SNED1: variants seen among roughly 807,000 people sequenced by gnomAD.
SNED1 encodes the protein sushi, nidogen and EGF-like domain-containing protein 1.
In SNED1, 81 loss-of-function variants were observed where a neutral mutation model predicts 166.7. The observed-to-expected ratio is 0.49, with a 90% CI of 0.41 to 0.58. The LOEUF (loss-of-function observed/expected upper bound fraction) is 0.58, where lower values mean the gene tolerates loss of function less well. Among genes scored for constraint, SNED1 ranks in the 20% least tolerant of loss-of-function variants. The pLI is 0.00. For missense variants in SNED1, 1,604 were observed against 2,000.2 expected, an observed-to-expected ratio of 0.80 and a Z score of 3.78; for synonymous variants, 762 against 822.0, an observed-to-expected ratio of 0.93 and a Z score of 1.25.
chr2:241,034,368 G>A (rs2061279450), intron 3 of SNED1, among the ~76,000 whole-genome samples, 200 bp from the exon 4 acceptor site: 1 of 152,214 alleles, frequency 6.6e-6, no homozygotes, highest in South Asian at 2.1e-4. Flanking sequence ...AGGCCCAAGA[G>A]CCCAGAGGTG....
At position 241,073,369 on chromosome 2, in the gene SNED1, G is replaced by A. The variant is rs1162632310; in HGVS notation, c.3916+5G>A. 3.8e-6 allele frequency: 6 copies of A among 1,561,760 alleles called. No homozygotes were observed. In the African/African-American group the frequency reaches 6.8e-5, roughly 18 times the overall value. ...ACGGCAGCAAGGACATCGGAAGTGA[G>A]TCAGCAGCGCTGGTGGGGACTTTGG... is the stretch of plus-strand genomic sequence containing the variant. On this transcript the variant is annotated splice_donor_5th_base_variant and intron_variant, in intron 27 of 31. Coordinates refer to ENST00000310397, the MANE Select transcript of SNED1 (RefSeq NM_001080437.3). The surrounding 1 kb of genome is among the most constrained non-coding windows in gnomAD (Gnocchi z 6.6).
chr2:241,040,023 C>A, intron 6 of SNED1, 52 bp from the exon 7 acceptor site: 2 of 1,398,022 alleles, frequency 1.4e-6, no homozygotes, highest in Non-Finnish European at 2.0e-6. Flanking sequence ...TCTGTCCCCT[C>A]AGGTAACCAT....
rs182499542 is a variant in SNED1, at chr2:241,049,716, G to A, written c.1619-101G>A. 14 of 807,148 alleles carry A rather than the reference G, an allele frequency of 1.7e-5. No homozygotes were observed. The African/African-American group carries it at 2.4e-4, about 14-fold the overall frequency. The allele number at this position is 807,148 out of a possible 1,614,324, so 50.0% of individuals were successfully genotyped here. On this transcript the variant is annotated intron_variant, in intron 11 of 31. Transcript: ENST00000310397. ...TTTCAGTGGCCTTGGTTCCAGACAG[G>A]ATGTCAGGGTAACCCTGGCAGGCAA...
At chr2:241,008,841 C>G (rs1326974464) in intron 1 of SNED1, among the ~76,000 whole-genome samples, 1 of 152,234 alleles carries the variant, frequency 6.6e-6, no homozygotes, top group Non-Finnish European at 1.5e-5. Context: ...CCCCTGACCC[C>G]AATGCCTCCA....
intron 2 of SNED1, 131 bp downstream of exon 2, chr2:241,030,702 G>A: frequency 1.0e-6 from 1 of 980,704 alleles, no homozygotes; most frequent in Non-Finnish European, 1.5e-6. Context: ...GGGAACACGT[G>A]GTCAAAACCA....
intron 31 of SNED1, chr2:241,089,453 C>G: frequency 6.5e-7 from 1 of 1,542,124 alleles, no homozygotes; most frequent in Non-Finnish European, 8.8e-7. Context: ...TCACACACAC[C>G]AAAGGAAGAG....
rs753211841 is a variant in SNED1 at position 241,049,785 on chromosome 2, C to T, written c.1619-32C>T. ...GCCGCCCGCACAGATGCGGCGTAAG[C>T]TCCAGGACCACCCTCTGTCCCCCGC... On this transcript the variant is annotated intron_variant, in intron 11 of 31. Coordinates refer to ENST00000310397, the MANE Select transcript of SNED1 (RefSeq NM_001080437.3). The T allele has an allele frequency of 7.7e-6, 12 of 1,560,044 alleles. No homozygotes were observed. In the East Asian group the frequency reaches 2.7e-4, roughly 35 times the overall value.
At chr2:241,081,504 G>A (rs1044882948) in intron 27 of SNED1, among the ~76,000 whole-genome samples, 173 bp from the exon 28 acceptor site, 1 of 152,192 alleles carries the variant, frequency 6.6e-6, no homozygotes, top group Admixed American at 6.5e-5. Context: ...CTCAACACCT[G>A]AACTGGGACC....
intron 1 of SNED1, among the ~76,000 whole-genome samples, chr2:241,002,882 C>CCTCACCCTCCA (rs1288609558): frequency 1.3e-5 from 2 of 151,902 alleles, no homozygotes; most frequent in African/African-American, 2.4e-5. Context: ...CCCTCCTCTC[C>CCTCACCCTCCA]CTCACCCTCC....
rs557614424 is a variant in SNED1 at position 241,034,828 on chromosome 2, G to C, written c.805+98G>C. 312 of 1,312,406 alleles carry C rather than the reference G, an allele frequency of 2.4e-4. 5 individuals carry two copies. The South Asian group carries it at 4.6e-3, about 19-fold the overall frequency. 81.3% of individuals were successfully genotyped at this position (1,312,406 alleles called of 1,614,324 possible). A position where few individuals can be genotyped will look rare whatever the true frequency, so the allele number is the denominator to read the frequency against. ...GACGAAGGGGGCTGGATGCTGACGG[G>C]GAGAGCAGGAGCACTTGGGTGTCCA... On this transcript the variant is annotated intron_variant, in intron 4 of 31. Transcript: ENST00000310397.
At chr2:241,024,314 T>C (rs1412644173) in intron 1 of SNED1, among the ~76,000 whole-genome samples, 1 of 141,686 alleles carries the variant, frequency 7.1e-6, no homozygotes, top group Non-Finnish European at 1.5e-5. Context: ...GGTGCTATCT[T>C]GGCTCACTGC....
chr2:241,071,691 C>T lies in SNED1; in HGVS notation c.3705C>T (p.Ser1235=), dbSNP rs756242750. Reference sequence around the variant, plus strand: ...AGCTGCGCCTGCTCAATGACCACAGCGCCCCCGAGACCCCCACCCAGCCCC... The same window carrying T: ...AGCTGCGCCTGCTCAATGACCACAGTGCCCCCGAGACCCCCACCCAGCCCC... ...LPELRLLNDH[S]APETPTQPPR... Residue 1235 remains serine, a synonymous_variant, in exon 25 of 32, where the codon AGC becomes AGT. Transcript: ENST00000310397. 129 of 1,531,818 alleles carry T rather than the reference C, an allele frequency of 8.4e-5. 1 individual carries two copies. In the East Asian group the frequency reaches 9.0e-4, roughly 11 times the overall value. The allele number at this position is 1,531,818 out of a possible 1,614,324, so 94.9% of individuals were successfully genotyped here. A position where few individuals can be genotyped will look rare whatever the true frequency, so the allele number is the denominator to read the frequency against.
At chr2:241,086,221 T>C (rs762457206) in intron 29 of SNED1, among the ~76,000 whole-genome samples, 3 of 152,226 alleles carry the variant, frequency 2.0e-5, no homozygotes, top group Non-Finnish European at 4.4e-5. Flanking sequence ...ACTCTGGCTC[T>C]GGAAATCGTT....
chr2:241,048,878 A>AC (rs1275792008), intron 10 of SNED1, 112 bp downstream of exon 10: 7 of 1,184,204 alleles, frequency 5.9e-6, no homozygotes, highest in Non-Finnish European at 8.5e-6. Context: ...CATTGGTTCT[A>AC]CCCCCACCCA....
intron 1 of SNED1, among the ~76,000 whole-genome samples, chr2:241,007,668 A>G (rs2060257779): frequency 6.6e-6 from 1 of 152,216 alleles, no homozygotes; most frequent in Non-Finnish European, 1.5e-5. Context: ...AGGGTTTTAC[A>G]AAACAGACTT....
At chr2:241,052,600 TATATGGGATACCAGTGC>T in intron 15 of SNED1, 132 bp downstream of exon 15, 2 of 624,990 alleles carry the variant, frequency 3.2e-6, no homozygotes, top group Non-Finnish European at 2.8e-6. Flanking sequence ...CCAAGCAGGA[TATATGGGATACCAGTGC>T]CAGGCAGGTG....
chr2:241,082,061 C>T (rs572751184), intron 28 of SNED1, among the ~76,000 whole-genome samples: 50 of 152,320 alleles, frequency 3.3e-4, no homozygotes, highest in Admixed American at 8.5e-4. Flanking sequence ...CCAGCCAGAG[C>T]GGTGTCAGGA....
chr2:241,053,207 G>C lies in SNED1; in HGVS notation c.2138G>C (p.Gly713Ala). 3 of 1,610,074 alleles carry C rather than the reference G, an allele frequency of 1.9e-6. No homozygotes were observed. The highest frequency in any genetic ancestry group is 1.7e-4 in the Middle Eastern group (1 of 6,010). The part of the protein sequence containing the change: ...EVKHATLRFN[G>A]TRLGAVALYA... ...AAGCACGCCACACTGCGCTTCAACG[G>C]CACGCGGCTGGGCGCGGTGGCCCTG... Residue 713 changes from glycine to alanine, a missense_variant, in exon 16 of 32, where the codon GGC becomes GCC. Coordinates refer to ENST00000310397, the MANE Select transcript of SNED1 (RefSeq NM_001080437.3).
intron 1 of SNED1, among the ~76,000 whole-genome samples, chr2:241,011,971 G>T (rs1255440546): frequency 2.0e-5 from 3 of 152,228 alleles, no homozygotes; most frequent in African/African-American, 7.2e-5. Context: ...AGCTCTCTGG[G>T]GTGGGGAGAG....
Sources: gnomAD v4.1 joint callset for allele counts (sites outside exome capture counted in the v4.1 genomes callset) on GRCh38, gnomAD v4.1.1 for gene constraint, Gnocchi (gnomAD v3.1) non-coding constraint, MANE v1.5 for transcripts, NCBI Gene and HGNC (gene_info 2026-07-23, HGNC 2026-07-21) for gene names.